The following ROS1 variants were observed in gnomAD, a reference collection of about 807,000 sequenced individuals.
The protein encoded by ROS1 is ROS proto-oncogene 1, receptor tyrosine kinase, also known as proto-oncogene tyrosine-protein kinase ROS.
In ROS1, 263 loss-of-function variants were observed where a neutral mutation model predicts 273.5. The ratio of observed to expected loss-of-function variants is 0.96; its 90% CI spans 0.87 to 1.06. ROS1 has a LOEUF of 1.06. Ranked by LOEUF, ROS1 falls within the 50% of genes least tolerant of loss-of-function variation. The pLI, the probability that ROS1 is intolerant of heterozygous loss-of-function variation, is 0.00. For missense variants in ROS1, 2,833 were observed against 2,751.1 expected (o/e 1.03, Z -0.67); for synonymous variants, 1,008 against 954.1 (o/e 1.06, Z -1.04).
intron 24 of ROS1, 39 bp from the exon 25 acceptor site, chr6:117,358,048 G>A (rs1234457810): frequency 7.1e-7 from 1 of 1,407,712 alleles, no homozygotes; most frequent in South Asian, 1.2e-5. Context: ...GAAGAGAGTG[G>A]TTATTTTTTT....
intron 31 of ROS1, among the ~76,000 whole-genome samples, chr6:117,340,711 A>G (rs1777848866): frequency 6.6e-6 from 1 of 152,146 alleles, no homozygotes; most frequent in South Asian, 2.1e-4. Flanking sequence ...AGCTGGTTTT[A>G]TGGTTTACTT....
intron 12 of ROS1, 105 bp downstream of exon 12, chr6:117,393,119 T>A: frequency 1.3e-6 from 1 of 760,008 alleles, no homozygotes; most frequent in Non-Finnish European, 2.3e-6. Context: ...GTAAGATGCA[T>A]AGATAGGCTC....
intron 18 of ROS1, among the ~76,000 whole-genome samples, chr6:117,377,841 A>G (rs1193839927): frequency 2.0e-5 from 3 of 152,208 alleles, no homozygotes; most frequent in African/African-American, 7.2e-5. Flanking sequence ...CAATAATGAA[A>G]AGACAACTCA....
At position 117,353,013 on chromosome 6, in the gene ROS1, CTG is replaced by C; in HGVS notation, c.4278_4279del (p.Tyr1426Ter). 1 of 1,613,572 alleles carries C rather than the reference CTG, an allele frequency of 6.2e-7. No individual in the cohort carries two copies. Among genetic ancestry groups the C allele is most frequent in the Non-Finnish European group, 8.5e-7 (1 of 1,179,890 alleles). Reference sequence around the variant, plus strand: ...ACCTGGAAAAGGCTGCATAACTGAACTGTAAGCCAAGATATGCCTACTCCTTA... The same window carrying C: ...ACCTGGAAAAGGCTGCATAACTGAACTAAGCCAAGATATGCCTACTCCTTA... On this transcript the variant is annotated stop_gained and frameshift_variant, in exon 27 of 44. Coordinates refer to ENST00000368507, the MANE Select transcript of ROS1 (RefSeq NM_001378902.1). LOFTEE classifies it high-confidence loss of function.
At chr6:117,394,884 T>C (rs117931526) in intron 9 of ROS1, 146 bp from the exon 10 acceptor site, 8,453 of 575,854 alleles carry the variant, frequency 0.015, 90 homozygotes, top group Non-Finnish European at 0.021. Flanking sequence ...ACTGGAGAAT[T>C]GCATCTATGG....
rs758068344 is a variant in ROS1, at chr6:117,387,967, G to A, written c.1812C>T (p.Thr604=). ...GASPSAWQNW[T]YEVKVSTQDP... ...CTTGGGTGGATACTTTCACCTCATAGGTCCAGTTCTGCCAGGCAGAAGGGC... is the reference window on the plus strand; with the variant it reads ...CTTGGGTGGATACTTTCACCTCATAAGTCCAGTTCTGCCAGGCAGAAGGGC... The change falls in exon 14 of 44, where the codon ACC becomes ACT. Residue 604 remains threonine, a synonymous_variant. Coordinates refer to ENST00000368507, the MANE Select transcript of ROS1 (RefSeq NM_001378902.1). 1 of 1,614,090 alleles carries A rather than the reference G, an allele frequency of 6.2e-7. No homozygotes were observed. Among genetic ancestry groups the A allele is most frequent in the South Asian group, 1.1e-5 (1 of 91,074 alleles).
At chr6:117,345,182 C>T (rs11961676) in intron 27 of ROS1, among the ~76,000 whole-genome samples, 4,984 of 152,280 alleles carry the variant, frequency 0.033, 133 homozygotes, top group Non-Finnish European at 0.049. Flanking sequence ...TCACTCTAAC[C>T]ACAGTACACT....
At chr6:117,319,221 C>G (rs367990390) in intron 37 of ROS1, among the ~76,000 whole-genome samples, 2 of 152,250 alleles carry the variant, frequency 1.3e-5, no homozygotes, top group East Asian at 1.9e-4. Context: ...ATTAAGTATA[C>G]TATGATAAAT....
At chr6:117,398,888 G>T (rs904445625) in intron 7 of ROS1, among the ~76,000 whole-genome samples, 1 of 150,938 alleles carries the variant, frequency 6.6e-6, no homozygotes. Context: ...CAGGAGAATC[G>T]ATTGAACCCA....
intron 27 of ROS1, among the ~76,000 whole-genome samples, chr6:117,346,806 C>A (rs538992374): frequency 6.6e-6 from 1 of 152,032 alleles, no homozygotes; most frequent in Non-Finnish European, 1.5e-5. Context: ...GTACATTTTA[C>A]GGGTTTGGAC....
chr6:117,298,501 C>A (rs904858000), intron 43 of ROS1, among the ~76,000 whole-genome samples: 7 of 152,144 alleles, frequency 4.6e-5, no homozygotes, highest in African/African-American at 1.7e-4. Flanking sequence ...TATTGGCAAA[C>A]CGCTCTGCAT....
chr6:117,341,727 T>C, intron 29 of ROS1, 95 bp from the exon 30 acceptor site: 2 of 851,990 alleles, frequency 2.3e-6, no homozygotes, highest in South Asian at 1.6e-5. Context: ...AATCATGTGG[T>C]ATGAGCAGAA....
intron 3 of ROS1, among the ~76,000 whole-genome samples, chr6:117,415,913 G>A (rs36122926): frequency 0.18 from 27,245 of 152,050 alleles, 2,547 homozygotes; most frequent in Non-Finnish European, 0.21. Flanking sequence ...ATAAGATCCC[G>A]GATAATTGCA....
Position 117,379,138 on chromosome 6 carries a change from G to A in ROS1, c.2503C>T (p.Leu835Phe), listed in dbSNP as rs1484966865. 3 of 1,611,662 alleles carry A rather than the reference G, an allele frequency of 1.9e-6. No individual in the cohort carries two copies. The highest frequency in any genetic ancestry group is 1.1e-5 in the South Asian group (1 of 90,986). The change falls in exon 18 of 44, where the codon CTC (leucine) becomes TTC (phenylalanine). Residue 835 changes from leucine to phenylalanine, a missense_variant. Transcript: ENST00000368507. ...GKKVIALTLD[L>F]SDGLLYWLVQ... ...AACCAATACAGGAGCCCATCACTGAGGTCTAAAGTTAGAGCAATTACCTAA... is the reference window on the plus strand; with the variant it reads ...AACCAATACAGGAGCCCATCACTGAAGTCTAAAGTTAGAGCAATTACCTAA...
rs748146133 is a variant in ROS1, at chr6:117,389,695, CATTGAAGTA to C, written c.1432_1440del (p.Tyr478_Asn480del). 1.2e-5 allele frequency: 20 copies of C among 1,614,168 alleles called. No homozygotes were observed. In the East Asian group the frequency reaches 4.2e-4, roughly 34 times the overall value. On this transcript the variant is annotated inframe_deletion, in exon 13 of 44. Transcript: ENST00000368507. ...GTTGACATGAAGACTTGGGCAGTGT[CATTGAAGTA>C]AATGATTCGCTTGGCTTGTGGCTTG... is the stretch of plus-strand genomic sequence containing the variant.
At chr6:117,359,706 A>G in intron 24 of ROS1, 103 bp downstream of exon 24, 7 of 895,372 alleles carry the variant, frequency 7.8e-6, no homozygotes, top group South Asian at 3.2e-5. Flanking sequence ...TTTTCATTCT[A>G]ATCTTAATGA....
chr6:117,326,145 C>G (rs1017352258), intron 34 of ROS1, 79 bp downstream of exon 34: 2 of 505,570 alleles, frequency 4.0e-6, no homozygotes, highest in Non-Finnish European at 6.8e-6. Flanking sequence ...TTATCTATTG[C>G]TAATGTTAAG....
At position 117,326,145 on chromosome 6, in the gene ROS1, C is replaced by T. The variant is rs1017352258; in HGVS notation, c.5539+79G>A. Reference sequence around the variant, plus strand: ...TATATATAGTCACCATTATCTATTGCTAATGTTAAGAATGTACTGATATTT... The same window carrying T: ...TATATATAGTCACCATTATCTATTGTTAATGTTAAGAATGTACTGATATTT... On this transcript the variant is annotated intron_variant, in intron 34 of 43. Coordinates refer to ENST00000368507, the MANE Select transcript of ROS1 (RefSeq NM_001378902.1). The T allele has an allele frequency of 1.5e-4, 78 of 505,558 alleles. No homozygotes were observed. The African/African-American group carries it at 1.7e-3, about 11-fold the overall frequency. 31.3% of individuals were successfully genotyped at this position (505,558 alleles called of 1,614,324 possible).
chr6:117,321,177 C>A (rs1480446977), intron 36 of ROS1, 82 bp downstream of exon 36: 4 of 1,451,942 alleles, frequency 2.8e-6, no homozygotes, highest in Non-Finnish European at 3.7e-6. Context: ...CTGTCTTGGG[C>A]AATGCGGAAT....
Sources: gnomAD v4.1 joint callset for allele counts (sites outside exome capture counted in the v4.1 genomes callset) on GRCh38, gnomAD v4.1.1 for gene constraint, MANE v1.5 for transcripts, NCBI Gene and HGNC (gene_info 2026-07-23, HGNC 2026-07-21) for gene names.